Variants in EIF2B3 observed in about 807,000 individuals in gnomAD.
EIF2B3 encodes the protein eukaryotic translation initiation factor 2B subunit gamma, also known as translation initiation factor eIF2B subunit gamma.
In EIF2B3, 20 loss-of-function variants were observed where a neutral mutation model predicts 54.1. The ratio of observed to expected loss-of-function variants is 0.37; its 90% CI spans 0.26 to 0.54. EIF2B3 has a LOEUF of 0.54. Among genes scored for constraint, EIF2B3 ranks in the 20% least tolerant of loss-of-function variants. The pLI, the probability that EIF2B3 is intolerant of heterozygous loss-of-function variation, is 0.86. For synonymous variants in EIF2B3, 153 were observed against 188.1 expected (o/e 0.81, Z 1.52); for missense variants, 448 against 547.8 (o/e 0.82, Z 1.82).
intron 10 of EIF2B3, among the ~76,000 whole-genome samples, chr1:44,858,070 C>CTTTTTTT (rs3044232): frequency 1.6e-5 from 2 of 127,422 alleles, no homozygotes; most frequent in African/African-American, 2.9e-5. Flanking sequence ...ACTTCAGTTC[C>CTTTTTTT]TTTTTTTTTT....
chr1:44,864,775 C>T (rs902662349), intron 10 of EIF2B3, among the ~76,000 whole-genome samples: 1 of 152,138 alleles, frequency 6.6e-6, no homozygotes, highest in Non-Finnish European at 1.5e-5. Context: ...ACATAGCAAC[C>T]ATAACTGGCT....
intron 3 of EIF2B3, among the ~76,000 whole-genome samples, chr1:44,953,608 C>T (rs1644192751): frequency 6.6e-6 from 1 of 152,078 alleles, no homozygotes; most frequent in Non-Finnish European, 1.5e-5. Flanking sequence ...GAAAAAAACA[C>T]AAAGACTTAG....
intron 5 of EIF2B3, among the ~76,000 whole-genome samples, chr1:44,909,059 C>T (rs1430052560): frequency 1.3e-5 from 2 of 152,050 alleles, no homozygotes; most frequent in African/African-American, 2.4e-5. Context: ...AATTTATATC[C>T]GTGCATAATA....
chr1:44,913,359 A>G (rs1643554154), intron 5 of EIF2B3, among the ~76,000 whole-genome samples: 1 of 152,148 alleles, frequency 6.6e-6, no homozygotes, highest in Non-Finnish European at 1.5e-5. Flanking sequence ...AGAGCTAGTC[A>G]GCTATATCCT....
At chr1:44,964,110 G>C (rs1044729454) in intron 3 of EIF2B3, among the ~76,000 whole-genome samples, 13 of 140,274 alleles carry the variant, frequency 9.3e-5, no homozygotes, top group Non-Finnish European at 1.5e-4. Context: ...CAAAAGAAAA[G>C]CTCCATTGAG....
chr1:44,882,496 A>T (rs1166134808), intron 6 of EIF2B3, among the ~76,000 whole-genome samples: 1 of 148,728 alleles, frequency 6.7e-6, no homozygotes, highest in Non-Finnish European at 1.5e-5. Flanking sequence ...AGGCTGGAGT[A>T]CAGTGGTGCG....
intron 5 of EIF2B3, among the ~76,000 whole-genome samples, chr1:44,919,883 C>CTTTTTT (rs1194645004): frequency 3.4e-5 from 4 of 117,238 alleles, no homozygotes; most frequent in Non-Finnish European, 5.5e-5. Flanking sequence ...TGCCTGGCTA[C>CTTTTTT]TTTTTTTTTT....
intron 5 of EIF2B3, among the ~76,000 whole-genome samples, chr1:44,910,575 C>A (rs1001366615): frequency 1.3e-5 from 2 of 150,164 alleles, no homozygotes; most frequent in South Asian, 2.1e-4. Flanking sequence ...CATATTCTAA[C>A]AGGTGTCTTT....
intron 4 of EIF2B3, among the ~76,000 whole-genome samples, chr1:44,936,452 G>A (rs1013938680): frequency 6.6e-5 from 10 of 151,634 alleles, no homozygotes; most frequent in Admixed American, 2.6e-4. Flanking sequence ...TTAGCTGAGC[G>A]TGGTGGTGGA....
chr1:44,868,105 A>G (rs1382711863), intron 10 of EIF2B3, among the ~76,000 whole-genome samples: 1 of 152,044 alleles, frequency 6.6e-6, no homozygotes, highest in African/African-American at 2.4e-5. Context: ...TCACATAGAA[A>G]GCTGTAGTGT....
chr1:44,871,486 GC>G (rs1654963860), intron 10 of EIF2B3, among the ~76,000 whole-genome samples: 1 of 152,124 alleles, frequency 6.6e-6, no homozygotes, highest in South Asian at 2.1e-4. Flanking sequence ...CCATTACTTG[GC>G]CCTTGTCCAT....
At chr1:44,986,393 A>G (rs1644578730) in intron 1 of EIF2B3, 100 bp downstream of exon 1, 2 of 152,126 alleles carry the variant, frequency 1.3e-5, no homozygotes, top group South Asian at 4.1e-4. Context: ...CGAGCTGACA[A>G]CTTCGGGGCT....
At chr1:44,941,136 C>T (rs560664409) in intron 4 of EIF2B3, among the ~76,000 whole-genome samples, 132 of 152,286 alleles carry the variant, frequency 8.7e-4, no homozygotes, top group South Asian at 1.4e-3. Context: ...CCCCCTGCCT[C>T]GGTCTCCCAA....
intron 3 of EIF2B3, among the ~76,000 whole-genome samples, chr1:44,954,775 T>C (rs1477901567): frequency 6.6e-6 from 1 of 152,136 alleles, no homozygotes; most frequent in Non-Finnish European, 1.5e-5. Context: ...ATAGGAGTGG[T>C]GAGAGAGGGT....
At chr1:44,917,463 A>G (rs1643645987) in intron 5 of EIF2B3, among the ~76,000 whole-genome samples, 1 of 151,436 alleles carries the variant, frequency 6.6e-6, no homozygotes, top group African/African-American at 2.4e-5. Context: ...ATTATACTCA[A>G]GCCTAGGCAA....
At chr1:44,935,755 C>G (rs1477253304) in intron 4 of EIF2B3, among the ~76,000 whole-genome samples, 1 of 152,158 alleles carries the variant, frequency 6.6e-6, no homozygotes, top group Admixed American at 6.6e-5. Flanking sequence ...CCCACCTTGG[C>G]CTCCCAAACT....
chr1:44,939,101 C>CAAAAAAAAAAAAAAA (rs35410499), intron 4 of EIF2B3, among the ~76,000 whole-genome samples: 1 of 56,296 alleles, frequency 1.8e-5, no homozygotes, highest in Non-Finnish European at 3.4e-5. Context: ...GACCCTGTCT[C>CAAAAAAAAAAAAAAA]AAAAAAAAAA....
At chr1:44,904,168 G>C (rs762680745) in intron 5 of EIF2B3, among the ~76,000 whole-genome samples, 15 of 152,152 alleles carry the variant, frequency 9.9e-5, no homozygotes, top group Non-Finnish European at 1.3e-4. Flanking sequence ...TCCTAACCAA[G>C]CTAAGTTCAA....
At chr1:44,905,640 A>G (rs1159866240) in intron 5 of EIF2B3, among the ~76,000 whole-genome samples, 1 of 152,084 alleles carries the variant, frequency 6.6e-6, no homozygotes, top group East Asian at 1.9e-4. Context: ...TGGTTCTCTG[A>G]TCTGATTAGA....
Sources: allele counts gnomAD v4.1 joint callset (sites outside exome capture counted in the v4.1 genomes callset), GRCh38; gene constraint gnomAD v4.1.1; transcripts MANE v1.5; gene names NCBI Gene and HGNC (gene_info 2026-07-23, HGNC 2026-07-21).